PLEKHA7: variants seen among roughly 807,000 people sequenced by gnomAD.
PLEKHA7 encodes pleckstrin homology domain containing A7.
Under a neutral mutation model 170.0 loss-of-function variants are expected in PLEKHA7, and 104 were observed. That is an observed-to-expected ratio of 0.61 (90% CI 0.52 to 0.72). PLEKHA7 has a LOEUF of 0.72. Among genes scored for constraint, PLEKHA7 ranks in the 30% least tolerant of loss-of-function variants. The pLI, the probability that PLEKHA7 is intolerant of heterozygous loss-of-function variation, is 0.00. For missense variants in PLEKHA7, 1,615 were observed against 1,671.7 expected, an observed-to-expected ratio of 0.97 and a Z score of 0.59; for synonymous variants, 648 against 660.8, an observed-to-expected ratio of 0.98 and a Z score of 0.30.
At chr11:17,000,808 T>C (rs1160946837) in intron 3 of PLEKHA7, among the ~76,000 whole-genome samples, 1 of 152,198 alleles carries the variant, frequency 6.6e-6, no homozygotes. Context: ...AGTGAGGATT[T>C]CAACCCAGGC....
At chr11:16,906,704 G>GC (rs1324141723) in intron 3 of PLEKHA7, among the ~76,000 whole-genome samples, 2 of 139,952 alleles carry the variant, frequency 1.4e-5, no homozygotes, top group Non-Finnish European at 1.5e-5. Flanking sequence ...GCCTGCCTTG[G>GC]CCCCCCAAAG....
intron 3 of PLEKHA7, among the ~76,000 whole-genome samples, chr11:16,905,111 G>T (rs1159714847): frequency 6.6e-6 from 1 of 152,106 alleles, no homozygotes; most frequent in African/African-American, 2.4e-5. Context: ...AATTAGCTGG[G>T]TGTGGTGGCA....
Position 16,789,952 on chromosome 11 carries a change from T to C in PLEKHA7, c.3053-74A>G. 3 of 1,306,802 alleles carry C rather than the reference T, an allele frequency of 2.3e-6. No individual in the cohort carries two copies. The highest frequency in any genetic ancestry group is 3.3e-6 in the Non-Finnish European group (3 of 908,304). The allele number at this position is 1,306,802 out of a possible 1,614,324, so 81.0% of individuals were successfully genotyped here. ...GTCCCTGCTTCTCCCTCATCACACA[T>C]TCTTGCAGGAGTACCAAGAGCACCC... On this transcript the variant is annotated intron_variant, in intron 21 of 26. Coordinates refer to ENST00000531066, the MANE Select transcript of PLEKHA7 (RefSeq NM_001329630.2). This position sits in a 1 kb window ranked among gnomAD's most constrained non-coding sequence, Gnocchi z 4.6.
chr11:16,889,849 T>C (rs191315081), intron 3 of PLEKHA7, among the ~76,000 whole-genome samples: 2 of 152,170 alleles, frequency 1.3e-5, no homozygotes, highest in Admixed American at 1.3e-4. Context: ...AGGCATATAG[T>C]CATCAGACTA....
At chr11:16,982,383 C>A (rs1339273742) in intron 3 of PLEKHA7, among the ~76,000 whole-genome samples, 2 of 152,238 alleles carry the variant, frequency 1.3e-5, no homozygotes, top group African/African-American at 4.8e-5. Flanking sequence ...GCACCTGGCC[C>A]CCACCCCAAC....
At position 17,014,185 on chromosome 11, in the gene PLEKHA7, T is replaced by TGCAGCGGAGCTGGTCACTGCGG; in HGVS notation, c.87-6_102dup (p.Thr35ProfsTer3). 6.3e-7 allele frequency: 1 copy of TGCAGCGGAGCTGGTCACTGCGG among 1,596,192 alleles called. No homozygotes were observed. Among genetic ancestry groups the TGCAGCGGAGCTGGTCACTGCGG allele is most frequent in the Non-Finnish European group, 8.5e-7 (1 of 1,173,174 alleles). On this transcript the variant is annotated stop_gained and frameshift_variant, in exon 2 of 27. Transcript: ENST00000531066. LOFTEE classifies it high-confidence loss of function. ...CCGGTGCGCGGATGCAGCCAGGTCGTGCAGCGGAGCTGGTCACTGCGGGCA... is the reference window on the plus strand; with the variant it reads ...CCGGTGCGCGGATGCAGCCAGGTCGTGCAGCGGAGCTGGTCACTGCGGGCAGCGGAGCTGGTCACTGCGGGCA...
rs1320445957 is a variant in PLEKHA7, at chr11:16,931,767, CAA to C, written c.222-60587_222-60586del. On this transcript the variant is annotated intron_variant, in intron 3 of 26. Transcript: ENST00000531066. Reference sequence around the variant, plus strand: ...GAATGAGATTCCATCCCCCCCCCCCCAAAAAAAAAAAAGGGAAGAAGAAGAAG... The same window carrying C: ...GAATGAGATTCCATCCCCCCCCCCCCAAAAAAAAAAGGGAAGAAGAAGAAG... Among the ~76,000 whole-genome samples, 12 of 33,720 alleles carry C rather than the reference CAA, an allele frequency of 3.6e-4. 1 individual carries two copies. Among genetic ancestry groups the C allele is most frequent in the African/African-American group, 1.4e-3 (12 of 8,806 alleles). The allele number at this position is 33,720 out of a possible 152,430, so 22.1% of individuals were successfully genotyped here.
chr11:16,963,617 G>A (rs1225357992), intron 3 of PLEKHA7, among the ~76,000 whole-genome samples: 1 of 152,104 alleles, frequency 6.6e-6, no homozygotes, highest in East Asian at 1.9e-4. Flanking sequence ...CCTACTTTGT[G>A]GCCTAAATCT....
At position 16,807,826 on chromosome 11, in the gene PLEKHA7, C is replaced by T. The variant is rs116853132; in HGVS notation, c.2008-4531G>A. Among the ~76,000 whole-genome samples the T allele has an allele frequency of 1.5e-3, 228 of 152,286 alleles. 2 individuals carry two copies. The East Asian group carries it at 0.041, about 27-fold the overall frequency. ...TCACTGGGGGAGCTTTAAAAAGTAC[C>T]GATGCCTGAGTTCCACCCCAAGTGA... On this transcript the variant is annotated intron_variant, in intron 13 of 26. Transcript: ENST00000531066.
chr11:16,871,013 A>G, intron 4 of PLEKHA7, 86 bp downstream of exon 4: 1 of 1,045,750 alleles, frequency 9.6e-7, no homozygotes, highest in South Asian at 1.4e-5. Flanking sequence ...GTCTCAGAGA[A>G]AACAGTCCAG....
At chr11:16,857,395 C>T (rs1050119491) in intron 4 of PLEKHA7, among the ~76,000 whole-genome samples, 1 of 152,350 alleles carries the variant, frequency 6.6e-6, no homozygotes, top group South Asian at 2.1e-4. Flanking sequence ...CAGCCTCCAA[C>T]CCAGCCAGAC....
At chr11:16,896,068 G>C (rs908369034) in intron 3 of PLEKHA7, among the ~76,000 whole-genome samples, 1 of 152,110 alleles carries the variant, frequency 6.6e-6, no homozygotes, top group Non-Finnish European at 1.5e-5. Flanking sequence ...ATCTTCCCCA[G>C]GAAAGCTCCT....
chr11:16,981,904 C>T (rs932989871), intron 3 of PLEKHA7, among the ~76,000 whole-genome samples: 10 of 152,124 alleles, frequency 6.6e-5, no homozygotes, highest in African/African-American at 2.2e-4. Context: ...TGGCCCTCCC[C>T]GAAGGCACCA....
intron 19 of PLEKHA7, among the ~76,000 whole-genome samples, chr11:16,794,237 G>A (rs1034944959): frequency 1.3e-4 from 19 of 151,958 alleles, no homozygotes; most frequent in Admixed American, 5.9e-4. Flanking sequence ...TCTTCTTGGT[G>A]GGCCTCAGTT....
chr11:17,014,140 G>A lies in PLEKHA7; in HGVS notation c.148C>T (p.His50Tyr). 6.2e-7 allele frequency: 1 copy of A among 1,601,874 alleles called. No individual in the cohort carries two copies. Among genetic ancestry groups the A allele is most frequent in the Non-Finnish European group, 8.5e-7 (1 of 1,175,680 alleles). The change falls in exon 2 of 27, where the codon CAC (histidine) becomes TAC (tyrosine). Residue 50 changes from histidine (H) to tyrosine (Y), a missense_variant. His to Tyr is a moderately conservative substitution (Grantham distance 83). Transcript: ENST00000531066. Reference sequence around the variant, plus strand: ...CGGCGCCCACCTGAGCGGATCATGTGGCCCGAGTTGACGGGCTCCCCGGTG... The same window carrying A: ...CGGCGCCCACCTGAGCGGATCATGTAGCCCGAGTTGACGGGCTCCCCGGTG... The part of the protein sequence containing the change: ...PRTGEPVNSG[H>Y]MIRSDLPRGW...
intron 13 of PLEKHA7, among the ~76,000 whole-genome samples, chr11:16,810,494 C>T (rs1849294496): frequency 6.6e-6 from 1 of 152,222 alleles, no homozygotes; most frequent in South Asian, 2.1e-4. Context: ...GTGAGCCAAG[C>T]CTCTTCCAGG....
chr11:16,881,792 T>C (rs1051300618), intron 3 of PLEKHA7, among the ~76,000 whole-genome samples: 1 of 152,158 alleles, frequency 6.6e-6, no homozygotes, highest in Admixed American at 6.5e-5. Flanking sequence ...TGGCTCCTTA[T>C]CAATATTTCA....
intron 3 of PLEKHA7, among the ~76,000 whole-genome samples, chr11:16,878,433 A>G (rs1265882130): frequency 6.6e-6 from 1 of 152,214 alleles, no homozygotes; most frequent in Non-Finnish European, 1.5e-5. Context: ...CTTAGCTTAC[A>G]AAATGCTAAG....
At chr11:16,952,930 T>G (rs1861495271) in intron 3 of PLEKHA7, among the ~76,000 whole-genome samples, 1 of 152,232 alleles carries the variant, frequency 6.6e-6, no homozygotes, top group Non-Finnish European at 1.5e-5. Flanking sequence ...TTTAAAAAAT[T>G]TTTAATTTGC....
Sources: allele counts gnomAD v4.1 joint callset (sites outside exome capture counted in the v4.1 genomes callset), GRCh38; gene constraint gnomAD v4.1.1; non-coding constraint Gnocchi (gnomAD v3.1); transcripts MANE v1.5; gene names NCBI Gene and HGNC (gene_info 2026-07-23, HGNC 2026-07-21).